Variants in EFHB observed in about 807,000 individuals in gnomAD.
The protein encoded by EFHB is EF-hand domain-containing family member B.
EFHB carries 91 observed loss-of-function variants against 87.2 expected under a neutral mutation model. The ratio of observed to expected loss-of-function variants is 1.04; its 90% CI spans 0.88 to 1.24. The LOEUF (loss-of-function observed/expected upper bound fraction) is 1.24, where lower values mean the gene tolerates loss of function less well. Among genes scored for constraint, EFHB ranks in the 50% most tolerant of loss-of-function variants. EFHB has a pLI of 0.00. For synonymous variants in EFHB, 325 were observed against 333.6 expected, an observed-to-expected ratio of 0.97 and a Z score of 0.28; for missense variants, 1,084 against 998.8, an observed-to-expected ratio of 1.09 and a Z score of -1.15.
At chr3:19,920,975 G>A (rs1559467984) in intron 1 of EFHB, among the ~76,000 whole-genome samples, 1 of 152,078 alleles carries the variant, frequency 6.6e-6, no homozygotes, top group Non-Finnish European at 1.5e-5. Flanking sequence ...ATGGCCAGGA[G>A]TTCGAGGCTA....
At chr3:19,889,417 A>T (rs1694223174) in intron 9 of EFHB, among the ~76,000 whole-genome samples, 1 of 152,154 alleles carries the variant, frequency 6.6e-6, no homozygotes, top group Non-Finnish European at 1.5e-5. Context: ...TCTGCAGTGA[A>T]TTCTTCCTGC....
At chr3:19,896,605 A>G in intron 9 of EFHB, 82 bp downstream of exon 9, 1 of 1,553,134 alleles carries the variant, frequency 6.4e-7, no homozygotes, top group South Asian at 1.1e-5. Context: ...CACAGGCTAT[A>G]GTTTGCTGAC....
chr3:19,886,676 CAAAAAAAAAAAAAAA>C (rs4020648), intron 10 of EFHB, among the ~76,000 whole-genome samples: 2 of 61,230 alleles, frequency 3.3e-5, no homozygotes, highest in Non-Finnish European at 5.7e-5. Context: ...GACACTGTCT[CAAAAAAAAAAAAAAA>C]AAAAAAAAAA....
chr3:19,912,676 A>T (rs1018767571), intron 5 of EFHB, among the ~76,000 whole-genome samples: 1 of 152,178 alleles, frequency 6.6e-6, no homozygotes, highest in East Asian at 1.9e-4. Flanking sequence ...AGACATAGAG[A>T]TTATAATAAG....
intron 1 of EFHB, among the ~76,000 whole-genome samples, chr3:19,922,460 T>C (rs1240979179): frequency 6.6e-6 from 1 of 152,196 alleles, no homozygotes; most frequent in Non-Finnish European, 1.5e-5. Context: ...CAAAGGGGTT[T>C]TGTAGCCAGA....
upstream of EFHB, chr3:19,934,250 G>C (rs1269600491): frequency 7.0e-7 from 1 of 1,420,036 alleles, no homozygotes; most frequent in Non-Finnish European, 9.2e-7. Context: ...CAGGGGCGGG[G>C]CTTGGCGCTC....
chr3:19,904,198 G>A (rs1369462009), intron 6 of EFHB, among the ~76,000 whole-genome samples: 1 of 152,204 alleles, frequency 6.6e-6, no homozygotes, highest in Non-Finnish European at 1.5e-5. Context: ...TGACAAATAT[G>A]AATGCGAGGC....
upstream of EFHB, chr3:19,936,428 G>A (rs1013868708): frequency 5.8e-6 from 3 of 518,812 alleles, no homozygotes; most frequent in Non-Finnish European, 1.0e-5. Context: ...GCCAGGTGTA[G>A]TGGTACATGC....
intron 6 of EFHB, among the ~76,000 whole-genome samples, chr3:19,905,289 G>C (rs914330456): frequency 6.6e-6 from 1 of 152,054 alleles, no homozygotes. Flanking sequence ...AATTACAATT[G>C]TCTTGGTAGA....
At position 19,918,979 on chromosome 3, in the gene EFHB, C is replaced by CA. The variant is rs11356910; in HGVS notation, c.997-568dup. On this transcript the variant is annotated intron_variant, in intron 3 of 12. Transcript: ENST00000295824. ...TGGGCGACAGAGTGAGACTCAGTCT[C>CA]AAAAAAAAAAAAAAAAAAAGAAGAA... Among the ~76,000 whole-genome samples the CA allele has an allele frequency of 6.0e-3, 454 of 75,632 alleles. 9 individuals carry two copies. The highest frequency in any genetic ancestry group is 0.052 in the East Asian group (111 of 2,120). The allele number at this position is 75,632 out of a possible 152,430, so 49.6% of individuals were successfully genotyped here. A position where few individuals can be genotyped will look rare whatever the true frequency, so the allele number is the denominator to read the frequency against.
intron 6 of EFHB, among the ~76,000 whole-genome samples, chr3:19,904,142 T>C (rs1289023510): frequency 1.3e-5 from 2 of 152,170 alleles, no homozygotes; most frequent in Non-Finnish European, 2.9e-5. Context: ...AGGGCCATTG[T>C]CTCCTTTAAA....
chr3:19,899,865 G>A (rs2931388), intron 6 of EFHB, among the ~76,000 whole-genome samples: 1 of 151,798 alleles, frequency 6.6e-6, no homozygotes, highest in Non-Finnish European at 1.5e-5. Flanking sequence ...TTGAGCTCAG[G>A]AGTTTGAGAC....
chr3:19,891,966 G>T (rs1215976163), intron 9 of EFHB, among the ~76,000 whole-genome samples: 1 of 152,088 alleles, frequency 6.6e-6, no homozygotes, highest in Non-Finnish European at 1.5e-5. Flanking sequence ...CACACATAGG[G>T]ATCTCCCTCA....
upstream of EFHB, chr3:19,936,481 T>C: frequency 2.2e-6 from 1 of 448,020 alleles, no homozygotes; most frequent in Non-Finnish European, 3.9e-6. Flanking sequence ...GGAGGATCAC[T>C]TGAGCCCAGG....
chr3:19,896,490 T>C (rs983906794), intron 9 of EFHB, 197 bp downstream of exon 9: 12 of 741,402 alleles, frequency 1.6e-5, no homozygotes, highest in Non-Finnish European at 2.8e-5. Context: ...TAACTCTGTA[T>C]TCATACTGCA....
intron 1 of EFHB, among the ~76,000 whole-genome samples, chr3:19,925,659 A>G (rs1340491887): frequency 1.3e-5 from 2 of 152,066 alleles, no homozygotes; most frequent in Non-Finnish European, 2.9e-5. Context: ...CTCCTCACTC[A>G]ACCCCCAGTG....
intron 11 of EFHB, among the ~76,000 whole-genome samples, chr3:19,884,162 C>A (rs2071752646): frequency 6.6e-6 from 1 of 152,134 alleles, no homozygotes; most frequent in Non-Finnish European, 1.5e-5. Flanking sequence ...ATGTTCTGAT[C>A]TATAATGGTT....
Position 19,905,890 on chromosome 3 carries a change from T to C in EFHB, c.1289-141A>G. 8 of 1,039,214 alleles carry C rather than the reference T, an allele frequency of 7.7e-6. No homozygotes were observed. In the South Asian group the frequency reaches 1.7e-4, roughly 22 times the overall value. 64.4% of individuals were successfully genotyped at this position (1,039,214 alleles called of 1,614,324 possible). A position where few individuals can be genotyped will look rare whatever the true frequency, so the allele number is the denominator to read the frequency against. ...TGTAACAGTGCAGAAACTGCACAGATTTAGCTACAGATGACAGAAGCATTC... is the reference window on the plus strand; with the variant it reads ...TGTAACAGTGCAGAAACTGCACAGACTTAGCTACAGATGACAGAAGCATTC... On this transcript the variant is annotated intron_variant, in intron 5 of 12. Transcript: ENST00000295824.
At chr3:19,915,123 C>G (rs1025449027) in intron 5 of EFHB, among the ~76,000 whole-genome samples, 180 bp downstream of exon 5, 1 of 151,974 alleles carries the variant, frequency 6.6e-6, no homozygotes, top group Non-Finnish European at 1.5e-5. Flanking sequence ...TTTTAAAAAC[C>G]GTAAGTATAT....
Sources: allele counts gnomAD v4.1 joint callset (sites outside exome capture counted in the v4.1 genomes callset), GRCh38; gene constraint gnomAD v4.1.1; transcripts MANE v1.5; gene names NCBI Gene and HGNC (gene_info 2026-07-23, HGNC 2026-07-21).